MVB12A: variants seen among roughly 807,000 people sequenced by gnomAD.
The protein encoded by MVB12A is CIN85/CD2AP family binding protein.
A neutral mutation model predicts 34.3 loss-of-function variants in MVB12A; 30 were observed. That is an observed-to-expected ratio of 0.88 (90% CI 0.65 to 1.19). The LOEUF (loss-of-function observed/expected upper bound fraction) is 1.19. MVB12A is among the 50% of genes most tolerant of loss of function. The pLI is 0.00. For missense variants in MVB12A, 355 were observed against 369.2 expected (o/e 0.96, Z 0.31); for synonymous variants, 158 against 158.9 (o/e 0.99, Z 0.04).
chr19:17,408,869 G>A (rs1345839462), intron 2 of MVB12A, among the ~76,000 whole-genome samples: 6 of 116,500 alleles, frequency 5.2e-5, no homozygotes, highest in Non-Finnish European at 6.7e-5. Context: ...TCTCTCTGTC[G>A]CCCAGGCTGG....
chr19:17,412,065 C>T (rs539309226), intron 2 of MVB12A, among the ~76,000 whole-genome samples: 1 of 152,232 alleles, frequency 6.6e-6, no homozygotes, highest in South Asian at 2.1e-4. Flanking sequence ...AGGGATGCTG[C>T]TCAACACTAC....
At position 17,420,652 on chromosome 19, in the gene MVB12A, G is replaced by A; in HGVS notation, c.286+18G>A. On this transcript the variant is annotated intron_variant, in intron 3 of 8. Coordinates refer to ENST00000317040, the MANE Select transcript of MVB12A (RefSeq NM_138401.4). ...GGATTCCAGTAAGGGCTGCTTCGGA[G>A]GCGAGAGTTGTCCGGGTCCCTTGCA... The A allele has an allele frequency of 7.0e-6, 11 of 1,561,118 alleles. No individual in the cohort carries two copies. The highest frequency in any genetic ancestry group is 9.7e-6 in the Non-Finnish European group (11 of 1,132,284).
chr19:17,420,248 G>T, intron 1 of MVB12A, 23 bp downstream of exon 1: 1 of 1,517,232 alleles, frequency 6.6e-7, no homozygotes, highest in Non-Finnish European at 8.8e-7. Flanking sequence ...GAGGGGCGGG[G>T]GTCGAATGGG....
At chr19:17,415,009 C>T (rs2074790113) in intron 2 of MVB12A, 1 of 152,164 alleles carries the variant, frequency 6.6e-6, no homozygotes, top group East Asian at 1.9e-4. Context: ...GGTGAACTAG[C>T]AAAACCCTGC....
At chr19:17,411,566 C>T (rs1705431385) in intron 2 of MVB12A, among the ~76,000 whole-genome samples, 1 of 151,704 alleles carries the variant, frequency 6.6e-6, no homozygotes, top group Admixed American at 6.6e-5. Context: ...CTATGTTGAC[C>T]AGGCTTTTCT....
chr19:17,420,016 C>CTG, upstream of MVB12A: 1 of 290,406 alleles, frequency 3.4e-6, no homozygotes, highest in African/African-American at 2.9e-5. Context: ...GCAATCTCCG[C>CTG]CCCCCCCCCC....
At chr19:17,418,464 C>T (rs1474593433), upstream of MVB12A, among the ~76,000 whole-genome samples, 1 of 151,046 alleles carries the variant, frequency 6.6e-6, no homozygotes, top group African/African-American at 2.4e-5. Context: ...GCGATCTCAG[C>T]TCATTGCAAC....
At chr19:17,415,389 T>C (rs2074792967), upstream of MVB12A, 4 of 152,354 alleles carry the variant, frequency 2.6e-5, no homozygotes, top group South Asian at 8.3e-4. Context: ...ACAAACAATG[T>C]ACGAAGTTCC....
chr19:17,409,617 T>A (rs1355768673), intron 2 of MVB12A, among the ~76,000 whole-genome samples: 1 of 144,662 alleles, frequency 6.9e-6, no homozygotes, highest in Non-Finnish European at 1.5e-5. Flanking sequence ...CCCGGCTAAT[T>A]TTGTATTTTT....
chr19:17,422,278 C>G (rs1375654881), intron 3 of MVB12A, 54 bp from the exon 4 acceptor site: 9 of 1,562,540 alleles, frequency 5.8e-6, no homozygotes, highest in Non-Finnish European at 7.0e-6. Flanking sequence ...CATCTTTGGG[C>G]CTTCCCACCC....
chr19:17,424,576 T>C (rs765715906), intron 7 of MVB12A, 45 bp from the exon 8 acceptor site: 3 of 1,596,902 alleles, frequency 1.9e-6, no homozygotes, highest in Non-Finnish European at 2.6e-6. Context: ...AAAGGGGGTT[T>C]CAGGTTGAGA....
chr19:17,420,281 G>C (rs1317586215), intron 1 of MVB12A, 32 bp from the exon 2 acceptor site: 7 of 1,561,154 alleles, frequency 4.5e-6, no homozygotes, highest in Non-Finnish European at 5.2e-6. Flanking sequence ...TGTGGGGTGG[G>C]AGTCCGGCGC....
chr19:17,421,376 G>T (rs2074837916), intron 3 of MVB12A, among the ~76,000 whole-genome samples: 1 of 151,734 alleles, frequency 6.6e-6, no homozygotes, highest in Non-Finnish European at 1.5e-5. Context: ...TAGAGACGGG[G>T]TTTCTCCATG....
intron 2 of MVB12A, among the ~76,000 whole-genome samples, chr19:17,410,978 T>G (rs2074765705): frequency 6.7e-6 from 1 of 148,398 alleles, no homozygotes; most frequent in Non-Finnish European, 1.5e-5. Context: ...ATTTTATTTA[T>G]TTATTTTTGA....
At chr19:17,416,511 G>A (rs956162749), upstream of MVB12A, among the ~76,000 whole-genome samples, 2 of 150,760 alleles carry the variant, frequency 1.3e-5, no homozygotes, top group South Asian at 4.2e-4. Context: ...CACTTCTGGG[G>A]CTCAAGCAAT....
At chr19:17,414,461 A>G (rs542940623) in intron 2 of MVB12A, 1 of 152,380 alleles carries the variant, frequency 6.6e-6, no homozygotes, top group South Asian at 2.1e-4. Context: ...TTTGTAAGAC[A>G]CACAGAGTAT....
intron 3 of MVB12A, among the ~76,000 whole-genome samples, chr19:17,421,736 GT>G (rs766452763): frequency 4.6e-5 from 7 of 151,900 alleles, no homozygotes; most frequent in African/African-American, 7.2e-5. Flanking sequence ...GAGGTCAGGA[GT>G]TCCAGACCAG....
intron 2 of MVB12A, among the ~76,000 whole-genome samples, chr19:17,412,015 C>T (rs1048872353): frequency 1.3e-5 from 2 of 152,126 alleles, no homozygotes; most frequent in Non-Finnish European, 2.9e-5. Flanking sequence ...ATTGTCACCG[C>T]GGGGGCTGGG....
intron 1 of MVB12A, 39 bp from the exon 2 acceptor site, chr19:17,420,274 G>T (rs753779719): frequency 1.3e-6 from 2 of 1,554,990 alleles, no homozygotes; most frequent in Admixed American, 2.1e-5. Flanking sequence ...CAGTCGCTGT[G>T]GGGTGGGAGT....
Sources: gnomAD v4.1 joint callset for allele counts (sites outside exome capture counted in the v4.1 genomes callset) on GRCh38, gnomAD v4.1.1 for gene constraint, MANE v1.5 for transcripts, NCBI Gene and HGNC (gene_info 2026-07-23, HGNC 2026-07-21) for gene names.